HIPK2: variants seen among roughly 807,000 people sequenced by gnomAD.
HIPK2 encodes homeodomain-interacting protein kinase 2.
HIPK2 carries 27 observed loss-of-function variants against 113.7 expected under a neutral mutation model. The ratio of observed to expected loss-of-function variants is 0.24; its 90% CI spans 0.17 to 0.33. The LOEUF (loss-of-function observed/expected upper bound fraction) is 0.33. Ranked by LOEUF, HIPK2 falls within the 10% of genes least tolerant of loss-of-function variation. The probability of loss-of-function intolerance (pLI) is 1.00; values close to 1 mark genes in which losing one functional copy is unlikely to be tolerated. For synonymous variants in HIPK2, 631 were observed against 642.2 expected (o/e 0.98, Z 0.26); for missense variants, 1,257 against 1,588.0 (o/e 0.79, Z 3.54).
intron 1 of HIPK2, among the ~76,000 whole-genome samples, chr7:139,774,850 T>G (rs1796713912): frequency 6.6e-6 from 1 of 152,178 alleles, no homozygotes; most frequent in Non-Finnish European, 1.5e-5. Flanking sequence ...ATAAACCTTT[T>G]TATAAGAAGT....
At position 139,583,975 on chromosome 7, in the gene HIPK2, T is replaced by C. The variant is rs753734410; in HGVS notation, c.2807A>G (p.Tyr936Cys). 1 of 1,613,710 alleles carries C rather than the reference T, an allele frequency of 6.2e-7. No homozygotes were observed. The highest frequency in any genetic ancestry group is 1.7e-5 in the Admixed American group (1 of 59,994). The change falls in exon 13 of 15, where the codon TAC (tyrosine) becomes TGC (cysteine). Residue 936 changes from tyrosine (Y) to cysteine (C), a missense_variant. Around this residue, in one of 5 missense-constraint regions of HIPK2, gnomAD observed 862 missense variants for 1,004.3 expected, o/e 0.86. Transcript: ENST00000406875. Reference protein sequence around the residue: ...YSDSSSNTSPYSVQQRAGHNN... With the variant: ...YSDSSSNTSPCSVQQRAGHNN... ...GTGCCCAGCACGCTGCTGCACGGAG[T>C]AGGGGCTGGTGTTGCTGGAGGAGTC...
intron 7 of HIPK2, among the ~76,000 whole-genome samples, chr7:139,617,266 T>C (rs1428121557): frequency 1.3e-5 from 2 of 152,200 alleles, no homozygotes; most frequent in African/African-American, 4.8e-5. Context: ...GGGGTCTTGC[T>C]ATGTTGCCCA....
At chr7:139,657,433 C>T (rs902107925) in intron 2 of HIPK2, among the ~76,000 whole-genome samples, 2 of 152,212 alleles carry the variant, frequency 1.3e-5, no homozygotes, top group Non-Finnish European at 2.9e-5. Context: ...CCCAAATCCC[C>T]AGGCCTTATC....
intron 1 of HIPK2, among the ~76,000 whole-genome samples, chr7:139,718,340 C>T (rs1795308854): frequency 6.6e-6 from 1 of 152,228 alleles, no homozygotes; most frequent in Non-Finnish European, 1.5e-5. Flanking sequence ...GTTCCTGTCT[C>T]TCTGAGCCCC....
intron 1 of HIPK2, among the ~76,000 whole-genome samples, chr7:139,747,158 A>T (rs1425149728): frequency 6.6e-6 from 1 of 151,966 alleles, no homozygotes; most frequent in African/African-American, 2.4e-5. Flanking sequence ...GTCCCATGTG[A>T]CTACTCTCCA....
rs1178458037 is a variant in HIPK2, at chr7:139,777,668, C to T, written c.-45G>A. The T allele has an allele frequency of 1.4e-5, 15 of 1,071,736 alleles. No individual in the cohort carries two copies. The East Asian group carries it at 4.8e-4, about 34-fold the overall frequency. 66.4% of individuals were successfully genotyped at this position (1,071,736 alleles called of 1,614,324 possible). On this transcript the variant is annotated 5_prime_UTR_variant, in exon 1 of 15. Coordinates refer to ENST00000406875, the MANE Select transcript of HIPK2 (RefSeq NM_022740.5). ...GTTCATGGCAACGGGGACGGGAAAG[C>T]GGCGCGCGAGCTCGGCCCCCCCAGC... is the stretch of plus-strand genomic sequence containing the variant.
At chr7:139,619,194 G>A (rs754345677) in intron 7 of HIPK2, among the ~76,000 whole-genome samples, 3 of 152,106 alleles carry the variant, frequency 2.0e-5, no homozygotes, top group South Asian at 2.1e-4. Context: ...GAAGGGGAGC[G>A]GCTGAAAAGC....
chr7:139,701,926 A>G (rs1022218341), intron 2 of HIPK2, among the ~76,000 whole-genome samples: 5 of 152,152 alleles, frequency 3.3e-5, no homozygotes, highest in South Asian at 2.1e-4. Context: ...CAGAGGCCAC[A>G]TCGGGAGAGA....
At position 139,572,609 on chromosome 7, in the gene HIPK2, C is replaced by CT. The variant is rs201129542; in HGVS notation, c.*317dup. 3,583 of 223,154 alleles carry CT rather than the reference C, an allele frequency of 0.016. 2 individuals are homozygous for CT. The highest frequency in any genetic ancestry group is 0.031 in the East Asian group (353 of 11,530). The allele number at this position is 223,154 out of a possible 1,614,324, so 13.8% of individuals were successfully genotyped here. A position where few individuals can be genotyped will look rare whatever the true frequency, so the allele number is the denominator to read the frequency against. ...CTTGAGCTGGGTTTTTTGTTATTGACTTTTTTTTTTTCCTTTTTCTTTTTT... is the reference window on the plus strand; with the variant it reads ...CTTGAGCTGGGTTTTTTGTTATTGACTTTTTTTTTTTTCCTTTTTCTTTTTT... On this transcript the variant is annotated 3_prime_UTR_variant, in exon 15 of 15. Coordinates refer to ENST00000406875, the MANE Select transcript of HIPK2 (RefSeq NM_022740.5).
chr7:139,738,143 C>T (rs1468801932), intron 1 of HIPK2, among the ~76,000 whole-genome samples: 1 of 152,244 alleles, frequency 6.6e-6, no homozygotes, highest in Non-Finnish European at 1.5e-5. Context: ...ACAAACAAGA[C>T]CCAAGACCTC....
At chr7:139,610,981 G>C (rs112955667) in intron 9 of HIPK2, among the ~76,000 whole-genome samples, 1 of 152,180 alleles carries the variant, frequency 6.6e-6, no homozygotes, top group South Asian at 2.1e-4. Flanking sequence ...ATATCAATTC[G>C]TTGCAAGATC....
intron 2 of HIPK2, among the ~76,000 whole-genome samples, chr7:139,685,335 T>A (rs1453758465): frequency 6.6e-6 from 1 of 152,104 alleles, no homozygotes; most frequent in Non-Finnish European, 1.5e-5. Context: ...CACAGCCAGC[T>A]AATTTTTTGT....
chr7:139,703,987 CCAA>C (rs1794799328), intron 2 of HIPK2, among the ~76,000 whole-genome samples: 1 of 138,868 alleles, frequency 7.2e-6, no homozygotes, highest in Admixed American at 7.2e-5. Context: ...ACAACCACAC[CCAA>C]CACACACCAC....
Position 139,700,555 on chromosome 7 carries a change from TTGTGTACATCCACGC to T in HIPK2, c.1103+15362_1103+15376del, listed in dbSNP as rs1433636467. ...CCAACTTCTTAAATGGGTATTTCCT[TTGTGTACATCCACGC>T]TGTATTTTCTGAAATCTGCACGTTT... On this transcript the variant is annotated intron_variant, in intron 2 of 14. Coordinates refer to ENST00000406875, the MANE Select transcript of HIPK2 (RefSeq NM_022740.5). 2.6e-5 allele frequency among the ~76,000 whole-genome samples: 4 copies of T among 152,118 alleles called. No individual in the cohort carries two copies. In the East Asian group the frequency reaches 7.7e-4, roughly 29 times the overall value.
chr7:139,657,294 C>CGTCA (rs1801704886), intron 2 of HIPK2, among the ~76,000 whole-genome samples: 1 of 152,190 alleles, frequency 6.6e-6, no homozygotes, highest in Non-Finnish European at 1.5e-5. Flanking sequence ...GGAGGTACTA[C>CGTCA]GTCAGTCAGA....
chr7:139,739,717 C>T (rs974973229), intron 1 of HIPK2, among the ~76,000 whole-genome samples: 6 of 152,178 alleles, frequency 3.9e-5, no homozygotes, highest in Non-Finnish European at 8.8e-5. Flanking sequence ...ACTCCCCATT[C>T]CCCCTTCCCA....
Position 139,569,218 on chromosome 7 carries a change from G to A in HIPK2, c.*3709C>T, listed in dbSNP as rs1003426256. 3 of 152,204 alleles carry A rather than the reference G, an allele frequency of 2.0e-5. No homozygotes were observed. The highest frequency in any genetic ancestry group is 7.2e-5 in the African/African-American group (3 of 41,406). 9.4% of individuals were successfully genotyped at this position (152,204 alleles called of 1,614,324 possible). On this transcript the variant is annotated 3_prime_UTR_variant, in exon 15 of 15. Transcript: ENST00000406875. ...ATCACAGGGGGAGGGGGCAGGCTGA[G>A]GAACTGGGTGGTGTGGTGAAATTTC...
At chr7:139,719,973 T>G (rs1317148302) in intron 1 of HIPK2, among the ~76,000 whole-genome samples, 12 of 152,206 alleles carry the variant, frequency 7.9e-5, no homozygotes, top group African/African-American at 2.7e-4. Context: ...AAACTTCCAC[T>G]GGCTCCTTAC....
At chr7:139,776,156 G>A (rs1238113206) in intron 1 of HIPK2, among the ~76,000 whole-genome samples, 1 of 152,188 alleles carries the variant, frequency 6.6e-6, no homozygotes. Context: ...GCGTGGTGGA[G>A]TGATCAGAAA....
Sources: gnomAD v4.1 joint callset for allele counts (sites outside exome capture counted in the v4.1 genomes callset) on GRCh38, gnomAD v4.1.1 for gene constraint, gnomAD v4.1.1 regional missense constraint, MANE v1.5 for transcripts, NCBI Gene and HGNC (gene_info 2026-07-23, HGNC 2026-07-21) for gene names.